Variants in COPS9 observed in about 807,000 individuals in gnomAD.
The protein encoded by COPS9 is COP9 signalosome complex subunit 9.
A neutral mutation model predicts 7.2 loss-of-function variants in COPS9; 8 were observed. The ratio of observed to expected loss-of-function variants is 1.11; its 90% CI spans 0.65 to 2.00. The LOEUF (loss-of-function observed/expected upper bound fraction) is 2.00, where lower values mean the gene tolerates loss of function less well. Ranked by LOEUF, COPS9 falls within the 30% of genes most tolerant of loss-of-function variation. The probability of loss-of-function intolerance (pLI) is 0.00; values close to 1 mark genes in which losing one functional copy is unlikely to be tolerated. For synonymous variants in COPS9, 39 were observed against 28.7 expected (o/e 1.36, Z -1.14); for missense variants, 74 against 77.7 (o/e 0.95, Z 0.18).
downstream of COPS9, chr2:240,126,552 C>T (rs745669924): frequency 1.9e-6 from 3 of 1,607,416 alleles, no homozygotes; most frequent in Admixed American, 5.0e-5. Flanking sequence ...AAACACACAC[C>T]TCTCTGCATC....
intron 1 of COPS9, among the ~76,000 whole-genome samples, chr2:240,134,686 T>TCCCCACA (rs1387914635): frequency 6.6e-6 from 1 of 152,060 alleles, no homozygotes; most frequent in Non-Finnish European, 1.5e-5. Flanking sequence ...CCTGCCCTGA[T>TCCCCACA]CCCCACATAG....
chr2:240,133,609 C>T (rs570830502), intron 2 of COPS9, among the ~76,000 whole-genome samples: 57 of 152,276 alleles, frequency 3.7e-4, no homozygotes, highest in Admixed American at 3.2e-3. Flanking sequence ...TTCCTATGGC[C>T]GTGTGTGGGG....
At chr2:240,127,024 C>T, downstream of COPS9, 2 of 1,500,426 alleles carry the variant, frequency 1.3e-6, no homozygotes, top group Non-Finnish European at 1.8e-6. Flanking sequence ...TGGGACAAGT[C>T]ATTCTGTCCA....
In COPS9 at chr2:240,132,061, A is replaced by C. The variant is rs987790694; in HGVS notation, c.137-973T>G. ...TTCGCCGCTAGGAGCACTTTTGCGC[A>C]GTCCTGGGCCTGGCTGACTCCACAC... On this transcript the variant is annotated intron_variant, in intron 2 of 2. Coordinates refer to ENST00000607357, the MANE Select transcript of COPS9 (RefSeq NM_001163424.2). This position sits in a 1 kb window ranked among gnomAD's most constrained non-coding sequence, Gnocchi z 4.1. Among the ~76,000 whole-genome samples, 1 of 152,172 alleles carries C rather than the reference A, an allele frequency of 6.6e-6. No individual in the cohort carries two copies. The highest frequency in any genetic ancestry group is 1.5e-5 in the Non-Finnish European group (1 of 68,028).
downstream of COPS9, chr2:240,130,096 G>GA: frequency 7.9e-7 from 1 of 1,270,202 alleles, no homozygotes; most frequent in Non-Finnish European, 1.1e-6. Flanking sequence ...CCACTCATGA[G>GA]AAAAAGAGGC....
chr2:240,128,003 G>A (rs1185500338), downstream of COPS9, among the ~76,000 whole-genome samples: 2 of 152,110 alleles, frequency 1.3e-5, no homozygotes, highest in Non-Finnish European at 2.9e-5. Context: ...GTAGTATTTT[G>A]GGACTAATTG....
downstream of COPS9, among the ~76,000 whole-genome samples, chr2:240,127,746 C>T (rs2071881588): frequency 6.6e-6 from 1 of 152,148 alleles, no homozygotes; most frequent in African/African-American, 2.4e-5. Flanking sequence ...TCCAAAAGAT[C>T]CCAGGATTCC....
At chr2:240,126,944 G>T (rs776705925), downstream of COPS9, 1 of 1,609,142 alleles carries the variant, frequency 6.2e-7, no homozygotes, top group Non-Finnish European at 8.5e-7. Context: ...CACATCTCTG[G>T]GGAGAGACAA....
At chr2:240,131,238 G>T in intron 2 of COPS9, 150 bp from the exon 3 acceptor site, 2 of 951,442 alleles carry the variant, frequency 2.1e-6, no homozygotes, top group Non-Finnish European at 3.2e-6. Context: ...CAGACTTTCA[G>T]TTTCAGCCAA....
In COPS9 at chr2:240,136,277, G is replaced by C; in HGVS notation, c.8C>G (p.Pro3Arg). 6.4e-7 allele frequency: 1 copy of C among 1,570,024 alleles called. No individual in the cohort carries two copies. Among genetic ancestry groups the C allele is most frequent in the East Asian group, 2.6e-5 (1 of 39,204 alleles). ...CTCGGGGAACATCTCGTCCACCGCC[G>C]GCTTCATCTCGGGGCCGCGGCGCTC... MK[P>R]AVDEMFPEGA... Residue 3 changes from proline (P) to arginine (R), a missense_variant, in exon 1 of 3, where the codon CCG becomes CGG. Coordinates refer to ENST00000607357, the MANE Select transcript of COPS9 (RefSeq NM_001163424.2).
downstream of COPS9, chr2:240,130,682 T>A: frequency 1.4e-6 from 1 of 700,392 alleles, no homozygotes; most frequent in Non-Finnish European, 1.9e-6. Flanking sequence ...ATACAGCACC[T>A]TAACACAAGG....
chr2:240,131,106 ACC>A lies in COPS9; in HGVS notation c.137-20_137-19del. 1 of 1,611,282 alleles carries A rather than the reference ACC, an allele frequency of 6.2e-7. No homozygotes were observed. Among genetic ancestry groups the A allele is most frequent in the Non-Finnish European group, 8.5e-7 (1 of 1,178,884 alleles). Reference sequence around the variant, plus strand: ...TTCAAAATCTAGGGAAATAAGCAAAACCACGTAGTTACACCTACAAGGGTAAG... The same window carrying A: ...TTCAAAATCTAGGGAAATAAGCAAAAACGTAGTTACACCTACAAGGGTAAG... On this transcript the variant is annotated intron_variant, in intron 2 of 2. Coordinates refer to ENST00000607357, the MANE Select transcript of COPS9 (RefSeq NM_001163424.2).
At chr2:240,133,179 A>G (rs2071939153) in intron 2 of COPS9, among the ~76,000 whole-genome samples, 1 of 152,232 alleles carries the variant, frequency 6.6e-6, no homozygotes. Context: ...AGAGAAAAGC[A>G]CCATGGATTA....
At position 240,131,023 on chromosome 2, in the gene COPS9, T is replaced by C. The variant is rs200187046; in HGVS notation, c.*28A>G. The C allele has an allele frequency of 5.6e-6, 9 of 1,612,072 alleles. No individual in the cohort carries two copies. The Admixed American group carries it at 1.5e-4, about 27-fold the overall frequency. ...CACACTGCGGCTCTGTACCAAGGGC[T>C]TGGCCCCGCCTGCAGCCAGAGGGCA... On this transcript the variant is annotated 3_prime_UTR_variant, in exon 3 of 3. Transcript: ENST00000607357.
At chr2:240,129,862 C>G (rs2071902986), downstream of COPS9, 6 of 1,522,828 alleles carry the variant, frequency 3.9e-6, no homozygotes, top group Non-Finnish European at 5.4e-6. Flanking sequence ...AAGCGGCAGC[C>G]TCAACGTGCG....
chr2:240,126,571 C>T (rs763550636), downstream of COPS9: 20 of 1,612,482 alleles, frequency 1.2e-5, no homozygotes, highest in East Asian at 8.9e-5. Context: ...TCCTACCTCA[C>T]ATCTATGCAT....
intron 2 of COPS9, 57 bp from the exon 3 acceptor site, chr2:240,131,145 T>A (rs2106555576): frequency 1.3e-6 from 2 of 1,567,242 alleles, no homozygotes; most frequent in East Asian, 2.3e-5. Flanking sequence ...GCTGAAGAAA[T>A]CACTTCAGAA....
intron 2 of COPS9, among the ~76,000 whole-genome samples, chr2:240,133,212 T>C (rs2106556529): frequency 6.6e-6 from 1 of 152,352 alleles, no homozygotes; most frequent in South Asian, 2.1e-4. Context: ...AAATGCCACC[T>C]CACTCTCTGG....
upstream of COPS9, chr2:240,136,317 G>A (rs746305049): frequency 2.0e-6 from 3 of 1,535,414 alleles, no homozygotes; most frequent in Admixed American, 6.0e-5. Flanking sequence ...CTCACTTCCG[G>A]CCTCAGAGCC....
Sources: gnomAD v4.1 joint callset for allele counts (sites outside exome capture counted in the v4.1 genomes callset) on GRCh38, gnomAD v4.1.1 for gene constraint, Gnocchi (gnomAD v3.1) non-coding constraint, MANE v1.5 for transcripts, NCBI Gene and HGNC (gene_info 2026-07-23, HGNC 2026-07-21) for gene names.